RARB: variants seen among roughly 807,000 people sequenced by gnomAD.
RARB encodes HBV-activated protein.
A neutral mutation model predicts 51.9 loss-of-function variants in RARB; 17 were observed. That is an observed-to-expected ratio of 0.33 (90% confidence interval 0.22 to 0.49). The LOEUF (loss-of-function observed/expected upper bound fraction) is 0.49. Ranked by LOEUF, RARB falls within the 20% of genes least tolerant of loss-of-function variation. RARB has a pLI of 0.99. For synonymous variants in RARB, 215 were observed against 195.4 expected (o/e 1.10, Z -0.84); for missense variants, 369 against 550.8 (o/e 0.67, Z 3.30).
At chr3:24,913,952 G>A (rs928343200) in intron 2 of RARB, among the ~76,000 whole-genome samples, 1 of 152,164 alleles carries the variant, frequency 6.6e-6, no homozygotes, top group Admixed American at 6.5e-5. Flanking sequence ...TCTAAAATCA[G>A]CTTGTCTGGC....
At chr3:25,279,144 A>T (rs112701849) in intron 5 of RARB, among the ~76,000 whole-genome samples, 1,580 of 152,278 alleles carry the variant, frequency 0.01, 31 homozygotes, top group African/African-American at 0.036. Flanking sequence ...CGGTGCAAGT[A>T]ATGGAATATT....
chr3:25,238,085 G>A (rs1220185617), intron 5 of RARB, among the ~76,000 whole-genome samples: 1 of 151,870 alleles, frequency 6.6e-6, no homozygotes, highest in Non-Finnish European at 1.5e-5. Flanking sequence ...TCAAACATTA[G>A]AATTTATTCC....
intron 1 of RARB, among the ~76,000 whole-genome samples, chr3:24,845,941 T>C (rs1243862949): frequency 6.6e-6 from 1 of 152,222 alleles, no homozygotes; most frequent in Admixed American, 6.5e-5. Flanking sequence ...GTTTACACTA[T>C]GCAGGCACAG....
intron 3 of RARB, among the ~76,000 whole-genome samples, chr3:25,515,564 T>C (rs78094437): frequency 0.048 from 7,326 of 152,220 alleles, 223 homozygotes; most frequent in Non-Finnish European, 0.071. Context: ...GTAAATAAAT[T>C]GTGACATATT....
intron 2 of RARB, among the ~76,000 whole-genome samples, chr3:25,037,763 C>G (rs1461683861): frequency 6.6e-6 from 1 of 152,122 alleles, no homozygotes; most frequent in Non-Finnish European, 1.5e-5. Flanking sequence ...AGCAAATTCC[C>G]TACACATTGT....
In RARB at chr3:25,208,050, G is replaced by A. The variant is rs115795882; in HGVS notation, c.178+33475G>A. 6.6e-3 allele frequency among the ~76,000 whole-genome samples: 1,000 copies of A among 152,060 alleles called. 8 individuals are homozygous for A. The highest frequency in any genetic ancestry group is 0.021 in the African/African-American group (891 of 41,460). ...GGGGAGCAAATTGGGGGAATGCTACGCACCGTTAAGCAACCGGATCTCATG... is the reference window on the plus strand; with the variant it reads ...GGGGAGCAAATTGGGGGAATGCTACACACCGTTAAGCAACCGGATCTCATG... On this transcript the variant is annotated intron_variant, in intron 5 of 11. Transcript: ENST00000383772.
chr3:25,257,951 A>G (rs1010894052), intron 5 of RARB, among the ~76,000 whole-genome samples: 1 of 152,102 alleles, frequency 6.6e-6, no homozygotes, highest in African/African-American at 2.4e-5. Context: ...TTGTATTTCC[A>G]CAGCACTCTC....
At chr3:25,056,883 G>A (rs1221629950) in intron 2 of RARB, among the ~76,000 whole-genome samples, 1 of 152,028 alleles carries the variant, frequency 6.6e-6, no homozygotes, top group Non-Finnish European at 1.5e-5. Context: ...ATTCCTTAAT[G>A]ACGAGTGACT....
chr3:25,251,091 G>C (rs1337255207), intron 5 of RARB, among the ~76,000 whole-genome samples: 1 of 152,008 alleles, frequency 6.6e-6, no homozygotes, highest in African/African-American at 2.4e-5. Flanking sequence ...CTTTTTTGTG[G>C]AGGAGTGAGT....
intron 2 of RARB, among the ~76,000 whole-genome samples, chr3:24,899,329 A>T (rs1194539136): frequency 1.3e-5 from 2 of 152,148 alleles, no homozygotes; most frequent in African/African-American, 4.8e-5. Context: ...TGGCGTATTC[A>T]CAGGCTTGAG....
intron 2 of RARB, among the ~76,000 whole-genome samples, chr3:24,983,107 C>T (rs1039535759): frequency 6.6e-6 from 1 of 152,146 alleles, no homozygotes; most frequent in African/African-American, 2.4e-5. Context: ...AGTAGAGCCA[C>T]TCCTGGTATT....
chr3:24,937,408 A>C (rs1044038096), intron 2 of RARB, among the ~76,000 whole-genome samples: 1 of 152,092 alleles, frequency 6.6e-6, no homozygotes, highest in African/African-American at 2.4e-5. Flanking sequence ...TCCAAAGATA[A>C]GTTGAGACTG....
chr3:25,455,895 A>G (rs1694881080), intron 1 of RARB, among the ~76,000 whole-genome samples: 1 of 152,242 alleles, frequency 6.6e-6, no homozygotes, highest in African/African-American at 2.4e-5. Context: ...GCAGGAGACA[A>G]AAAGCAGATC....
At chr3:24,914,120 A>C (rs1304380733) in intron 2 of RARB, among the ~76,000 whole-genome samples, 2 of 152,208 alleles carry the variant, frequency 1.3e-5, no homozygotes, top group Non-Finnish European at 2.9e-5. Context: ...CACAGATGGA[A>C]AATCTCAAAT....
chr3:25,053,872 C>A (rs1391345189), intron 2 of RARB, among the ~76,000 whole-genome samples: 1 of 152,170 alleles, frequency 6.6e-6, no homozygotes, highest in African/African-American at 2.4e-5. Flanking sequence ...TGCAGTGGTC[C>A]ATTAACTGCC....
chr3:25,150,710 A>G (rs2125341330), intron 4 of RARB, among the ~76,000 whole-genome samples: 1 of 152,348 alleles, frequency 6.6e-6, no homozygotes, highest in African/African-American at 2.4e-5. Flanking sequence ...ACAGAATTCC[A>G]GGAGACCAGG....
chr3:24,855,399 G>T (rs973630309), intron 1 of RARB, among the ~76,000 whole-genome samples: 1 of 152,132 alleles, frequency 6.6e-6, no homozygotes, highest in Admixed American at 6.5e-5. Flanking sequence ...GAAAAGAAAT[G>T]AAAAATAATG....
chr3:25,222,311 C>T (rs1701965067), intron 5 of RARB, among the ~76,000 whole-genome samples: 1 of 152,126 alleles, frequency 6.6e-6, no homozygotes, highest in African/African-American at 2.4e-5. Flanking sequence ...TGACCACCTG[C>T]CCCTAAACTC....
At chr3:25,158,655 T>C (rs547086301) in intron 4 of RARB, among the ~76,000 whole-genome samples, 2 of 152,202 alleles carry the variant, frequency 1.3e-5, no homozygotes, top group African/African-American at 4.8e-5. Context: ...TATAAAGTCA[T>C]GAAATTATTA....
Sources: allele counts gnomAD v4.1 joint callset (sites outside exome capture counted in the v4.1 genomes callset), GRCh38; gene constraint gnomAD v4.1.1; transcripts MANE v1.5; gene names NCBI Gene and HGNC (gene_info 2026-07-23, HGNC 2026-07-21).